ECE1: variants seen among roughly 807,000 people sequenced by gnomAD.
The protein encoded by ECE1 is endothelin converting enzyme 1, also known as endothelin-converting enzyme 1.
A neutral mutation model predicts 98.6 loss-of-function variants in ECE1; 35 were observed. The observed-to-expected ratio is 0.35, with a 90% CI of 0.27 to 0.47. ECE1 has a LOEUF of 0.47. Ranked by LOEUF, ECE1 falls within the 20% of genes least tolerant of loss-of-function variation. The pLI, the probability that ECE1 is intolerant of heterozygous loss-of-function variation, is 1.00. For synonymous variants in ECE1, 394 were observed against 407.1 expected (o/e 0.97, Z 0.39); for missense variants, 814 against 1,025.3 (o/e 0.79, Z 2.81).
At chr1:21,309,375 A>T (rs562683241) in intron 1 of ECE1, among the ~76,000 whole-genome samples, 1 of 152,198 alleles carries the variant, frequency 6.6e-6, no homozygotes, top group African/African-American at 2.4e-5. Context: ...TCTCACCTGT[A>T]AAGTGGTGAA....
intron 1 of ECE1, among the ~76,000 whole-genome samples, chr1:21,329,883 G>A (rs1404682096): frequency 1.3e-5 from 2 of 152,208 alleles, no homozygotes; most frequent in African/African-American, 2.4e-5. Flanking sequence ...TAGGGCTCAC[G>A]TGGAGTGACC....
intron 4 of ECE1, among the ~76,000 whole-genome samples, chr1:21,271,205 C>G (rs2098239816): frequency 6.6e-6 from 1 of 152,158 alleles, no homozygotes; most frequent in South Asian, 2.1e-4. Flanking sequence ...GCTTCAGGAG[C>G]TGTCGGAGGC....
chr1:21,303,348 A>T (rs998650972), intron 1 of ECE1, among the ~76,000 whole-genome samples: 8 of 152,264 alleles, frequency 5.3e-5, no homozygotes, highest in African/African-American at 1.4e-4. Flanking sequence ...TTGTGGAGAA[A>T]CAGTCAGAAT....
At chr1:21,238,910 G>A (rs1363540040) in intron 10 of ECE1, among the ~76,000 whole-genome samples, 1 of 151,992 alleles carries the variant, frequency 6.6e-6, no homozygotes, top group East Asian at 1.9e-4. Context: ...GACCTCCCAG[G>A]CTCAAGTGAT....
Position 21,247,299 on chromosome 1 carries a change from T to C in ECE1, c.1085A>G (p.Asn362Ser), listed in dbSNP as rs563806923. The part of the protein sequence containing the change: ...LNTIFYPVEI[N>S]ESEPIVVYDK... ...ATAGACCACAATAGGCTCGGATTCA[T>C]TGATCTCCACGGGGTAGAAGATGGT... Residue 362 changes from asparagine to serine, a missense_variant, in exon 9 of 19, where the codon AAT (asparagine) becomes AGT (serine). By Grantham distance (46) the Asn-to-Ser change is conservative (BLOSUM62 1). Around this residue, in one of 3 missense-constraint regions of ECE1, gnomAD observed 452 missense variants for 567.3 expected, o/e 0.80. Coordinates refer to ENST00000374893, the MANE Select transcript of ECE1 (RefSeq NM_001397.3). 8.7e-6 allele frequency: 14 copies of C among 1,614,198 alleles called. No homozygotes were observed. In the Admixed American group the frequency reaches 1.5e-4, roughly 17 times the overall value.
intron 14 of ECE1, 118 bp from the exon 15 acceptor site, chr1:21,228,159 T>A: frequency 1.4e-6 from 1 of 722,342 alleles, no homozygotes; most frequent in Non-Finnish European, 2.3e-6. Context: ...AGACTCTCCT[T>A]GACCCCAGGC....
chr1:21,252,896 CT>C lies in ECE1; in HGVS notation c.1020+3050del, dbSNP rs1470596608. On this transcript the variant is annotated intron_variant, in intron 8 of 18. Transcript: ENST00000374893. ...ATAATGATGAATATAATATGTTATGCTTGTACTGGGTTGTGCAAATGAGTTT... is the reference window on the plus strand; with the variant it reads ...ATAATGATGAATATAATATGTTATGCTGTACTGGGTTGTGCAAATGAGTTT... Among the ~76,000 whole-genome samples, 24 of 152,294 alleles carry C rather than the reference CT, an allele frequency of 1.6e-4. No homozygotes were observed. The South Asian group carries it at 5.0e-3, about 32-fold the overall frequency.
intron 1 of ECE1, among the ~76,000 whole-genome samples, chr1:21,337,083 C>G (rs1639318280): frequency 6.6e-6 from 1 of 152,178 alleles, no homozygotes; most frequent in Non-Finnish European, 1.5e-5. Context: ...CATTGCCCCT[C>G]TGACCCAGGA....
chr1:21,344,593 C>A (rs1020971919), intron 1 of ECE1, among the ~76,000 whole-genome samples: 1 of 151,982 alleles, frequency 6.6e-6, no homozygotes, highest in African/African-American at 2.4e-5. Context: ...GGAAGCCCAG[C>A]CTGGATCAAA....
At chr1:21,313,787 G>A (rs968938100) in intron 1 of ECE1, among the ~76,000 whole-genome samples, 1 of 152,194 alleles carries the variant, frequency 6.6e-6, no homozygotes, top group South Asian at 2.1e-4. Flanking sequence ...GCTATGGTGG[G>A]AATTAAGGCG....
At chr1:21,277,975 A>G (rs1022428370) in intron 3 of ECE1, among the ~76,000 whole-genome samples, 1 of 151,928 alleles carries the variant, frequency 6.6e-6, no homozygotes, top group Non-Finnish European at 1.5e-5. Context: ...TCCCCTCCCC[A>G]CCCCAGCGCA....
chr1:21,266,122 G>A (rs1480753254), intron 4 of ECE1: 3 of 152,304 alleles, frequency 2.0e-5, no homozygotes, highest in African/African-American at 7.2e-5. Context: ...CGCCCAGGCA[G>A]GCAGAGCTGT....
At chr1:21,227,790 T>C (rs1021810158) in intron 15 of ECE1, 141 bp downstream of exon 15, 15 of 660,502 alleles carry the variant, frequency 2.3e-5, no homozygotes, top group Non-Finnish European at 3.7e-5. Context: ...GTGAGGATGT[T>C]GCTTCCTCTG....
At chr1:21,299,826 G>A (rs213054) in intron 1 of ECE1, 15,995 of 152,254 alleles carry the variant, frequency 0.11, 1,093 homozygotes, top group East Asian at 0.39. Context: ...GAGCTTTGCT[G>A]TCCATTTTTC....
chr1:21,238,476 G>A lies in ECE1; in HGVS notation c.1279-232C>T, dbSNP rs2098191240. 5.1e-6 allele frequency: 3 copies of A among 589,152 alleles called. No homozygotes were observed. In the South Asian group the frequency reaches 5.8e-5, roughly 11 times the overall value. The allele number at this position is 589,152 out of a possible 1,614,324, so 36.5% of individuals were successfully genotyped here. On this transcript the variant is annotated intron_variant, in intron 10 of 18. Transcript: ENST00000374893. ...GCTCTGTGCTGGGACTTCACAAATAGTGTCCCGTTGAGCCATTCAATGACC... is the reference window on the plus strand; with the variant it reads ...GCTCTGTGCTGGGACTTCACAAATAATGTCCCGTTGAGCCATTCAATGACC...
rs2103258925 is a variant in ECE1, at chr1:21,245,007, G to A, written c.1260C>T (p.Val420=). The A allele has an allele frequency of 6.2e-7, 1 of 1,614,150 alleles. No homozygotes were observed. Among genetic ancestry groups the A allele is most frequent in the Non-Finnish European group, 8.5e-7 (1 of 1,180,012 alleles). ...FQDADEKFME[V]MYGTKKTCLP... ...GGCTCACCTTCTTGGTCCCGTACAT[G>A]ACTTCCATGAACTTCTCATCGGCGT... is the stretch of plus-strand genomic sequence containing the variant. The change falls in exon 10 of 19, where the codon GTC becomes GTT. Residue 420 remains valine (V), a synonymous_variant. Transcript: ENST00000374893.
intron 4 of ECE1, among the ~76,000 whole-genome samples, chr1:21,271,472 C>A (rs185536252): frequency 2.6e-5 from 4 of 152,246 alleles, no homozygotes; most frequent in African/African-American, 9.6e-5. Context: ...TTTTTTAAAA[C>A]AATCAGTATT....
At chr1:21,264,798 T>C (rs212537) in intron 4 of ECE1, among the ~76,000 whole-genome samples, 1 of 152,232 alleles carries the variant, frequency 6.6e-6, no homozygotes, top group African/African-American at 2.4e-5. Context: ...GGCGTAATGA[T>C]AACTGCAGGC....
At chr1:21,315,177 T>G (rs1223355360) in intron 1 of ECE1, among the ~76,000 whole-genome samples, 1 of 152,132 alleles carries the variant, frequency 6.6e-6, no homozygotes, top group Non-Finnish European at 1.5e-5. Flanking sequence ...CTCAGAAAGG[T>G]TAAGAGGCTT....
Sources: allele counts gnomAD v4.1 joint callset (sites outside exome capture counted in the v4.1 genomes callset), GRCh38; gene constraint gnomAD v4.1.1; regional missense constraint gnomAD v4.1.1; transcripts MANE v1.5; gene names NCBI Gene and HGNC (gene_info 2026-07-23, HGNC 2026-07-21).